The following ANKRD28 variants were observed in gnomAD, a reference collection of about 807,000 sequenced individuals.
The protein encoded by ANKRD28 is serine/threonine-protein phosphatase 6 regulatory ankyrin repeat subunit A.
ANKRD28 carries 44 observed loss-of-function variants against 126.5 expected under a neutral mutation model. The observed-to-expected ratio is 0.35, with a 90% CI of 0.27 to 0.45. The LOEUF (loss-of-function observed/expected upper bound fraction) is 0.45. Ranked by LOEUF, ANKRD28 falls within the 20% of genes least tolerant of loss-of-function variation. The pLI, the probability that ANKRD28 is intolerant of heterozygous loss-of-function variation, is 1.00. For synonymous variants in ANKRD28, 442 were observed against 468.5 expected (o/e 0.94, Z 0.73); for missense variants, 1,110 against 1,316.6 (o/e 0.84, Z 2.43).
At chr3:15,727,369 C>A (rs1222355391) in intron 6 of ANKRD28, among the ~76,000 whole-genome samples, 3 of 151,710 alleles carry the variant, frequency 2.0e-5, no homozygotes, top group Non-Finnish European at 2.9e-5. Context: ...CAGTTCGAGA[C>A]CAGCCTGGCC....
intron 2 of ANKRD28, among the ~76,000 whole-genome samples, chr3:15,772,181 C>A (rs1166164448): frequency 6.6e-6 from 1 of 151,616 alleles, no homozygotes; most frequent in Non-Finnish European, 1.5e-5. Context: ...GGCAAAATAA[C>A]CAGCAAAAAA....
chr3:15,676,647 G>A (rs2066969358), intron 26 of ANKRD28: 1 of 207,644 alleles, frequency 4.8e-6, no homozygotes, highest in Non-Finnish European at 9.7e-6. Context: ...CTCATTTATT[G>A]TTAGTTTCAA....
chr3:15,723,361 T>A (rs2073921351), intron 7 of ANKRD28, among the ~76,000 whole-genome samples: 1 of 152,270 alleles, frequency 6.6e-6, no homozygotes, highest in African/African-American at 2.4e-5. Context: ...TTGTAGCTGA[T>A]CTAAACTGTA....
intron 3 of ANKRD28, among the ~76,000 whole-genome samples, chr3:15,758,194 T>C (rs1443365826): frequency 6.6e-6 from 1 of 152,256 alleles, no homozygotes; most frequent in African/African-American, 2.4e-5. Context: ...ACAGAGGAGA[T>C]AGTCCATAAC....
At position 15,830,727 on chromosome 3, in the gene ANKRD28, T is replaced by C. The variant is rs1040650935; in HGVS notation, c.27+28650A>G. Reference sequence around the variant, plus strand: ...TCCTAGGAGGTAACTGCTAACCCCTTGGAATGTCCTGCTTGATAAAGAGTC... The same window carrying C: ...TCCTAGGAGGTAACTGCTAACCCCTCGGAATGTCCTGCTTGATAAAGAGTC... On this transcript the variant is annotated intron_variant, in intron 1 of 27. Coordinates refer to the ANKRD28 transcript ENST00000399451. This position sits in a 1 kb window ranked among gnomAD's most constrained non-coding sequence, Gnocchi z 4.5. 6.6e-6 allele frequency among the ~76,000 whole-genome samples: 1 copy of C among 152,086 alleles called. No individual in the cohort carries two copies. The highest frequency in any genetic ancestry group is 2.4e-5 in the African/African-American group (1 of 41,390).
At chr3:15,837,527 A>G (rs1000110417) in intron 1 of ANKRD28, among the ~76,000 whole-genome samples, 1 of 152,222 alleles carries the variant, frequency 6.6e-6, no homozygotes, top group Admixed American at 6.5e-5. Context: ...AAATTAAACA[A>G]GACACCTGTA....
intron 3 of ANKRD28, among the ~76,000 whole-genome samples, chr3:15,764,042 G>A (rs943408163): frequency 6.6e-6 from 1 of 151,778 alleles, no homozygotes; most frequent in South Asian, 2.1e-4. Flanking sequence ...TGGCCAACAT[G>A]GTGAAACCCC....
At chr3:15,770,413 C>CATATATAT (rs56802776) in intron 2 of ANKRD28, among the ~76,000 whole-genome samples, 2 of 147,132 alleles carry the variant, frequency 1.4e-5, no homozygotes, top group African/African-American at 4.9e-5. Flanking sequence ...CATATATATA[C>CATATATAT]ATATATATAT....
At position 15,706,102 on chromosome 3, in the gene ANKRD28, T is replaced by G. The variant is rs376497707; in HGVS notation, c.1547+1822A>C. ...GTGTGTGATTCTGAAATCTTTTTTT[T>G]ATTGTTATACTTTGTTCTAGAGTAC... On this transcript the variant is annotated intron_variant, in intron 14 of 27. Transcript: ENST00000683139. 9.3e-4 allele frequency among the ~76,000 whole-genome samples: 142 copies of G among 152,240 alleles called. No homozygotes were observed. The South Asian group carries it at 0.028, about 30-fold the overall frequency.
rs142001696 is a variant in ANKRD28 at position 15,786,106 on chromosome 3, T to C, written c.201+9117A>G. Among the ~76,000 whole-genome samples the C allele has an allele frequency of 7.6e-4, 115 of 152,196 alleles. 1 individual carries two copies. The highest frequency in any genetic ancestry group is 2.5e-3 in the African/African-American group (104 of 41,566). ...GTATGAAACTATAATGCTGGATACATGTCATTATATACTTGTCCAAACTCA... is the reference window on the plus strand; with the variant it reads ...GTATGAAACTATAATGCTGGATACACGTCATTATATACTTGTCCAAACTCA... On this transcript the variant is annotated intron_variant, in intron 2 of 27. Transcript: ENST00000683139.
intron 1 of ANKRD28, among the ~76,000 whole-genome samples, chr3:15,825,242 G>A (rs115066227): frequency 0.02 from 3,078 of 152,292 alleles, 52 homozygotes; most frequent in Non-Finnish European, 0.031. Context: ...ATGGCAACTG[G>A]GAGTAAATTC....
chr3:15,743,659 A>T (rs2057280726), intron 4 of ANKRD28, among the ~76,000 whole-genome samples: 1 of 152,150 alleles, frequency 6.6e-6, no homozygotes, highest in Admixed American at 6.5e-5. Flanking sequence ...AATATGCAGT[A>T]CTTACACAGA....
At position 15,854,074 on chromosome 3, in the gene ANKRD28, C is replaced by G. The variant is rs1345157; in HGVS notation, c.27+5303G>C. Among the ~76,000 whole-genome samples, 70,637 of 151,986 alleles carry G rather than the reference C, an allele frequency of 0.46. 19,370 individuals carry two copies. The highest frequency in any genetic ancestry group is 0.6 in the Non-Finnish European group (40,494 of 67,970). ...CTTTTGTAATCTACTCTTCCAAAAC[C>G]TGTAATGGTTATCTAACTTTCAGTG... On this transcript the variant is annotated intron_variant, in intron 1 of 27. Transcript: ENST00000399451. The surrounding 1 kb of genome is among the most constrained non-coding windows in gnomAD (Gnocchi z 4.1).
intron 1 of ANKRD28, among the ~76,000 whole-genome samples, chr3:15,852,137 C>G (rs747395177): frequency 6.6e-6 from 1 of 152,002 alleles, no homozygotes; most frequent in Non-Finnish European, 1.5e-5. Flanking sequence ...GGTACTTGCA[C>G]AGTTTTGTGA....
rs547621641 is a variant in ANKRD28 at position 15,833,136 on chromosome 3, T to C, written c.27+26241A>G. On this transcript the variant is annotated intron_variant, in intron 1 of 27. Coordinates refer to the ANKRD28 transcript ENST00000399451. The surrounding 1 kb of genome is among the most constrained non-coding windows in gnomAD (Gnocchi z 4.4). ...TGATTGGATTGAAGGATGCAAAGTA[T>C]TGATCCAGGGTGTGTCTGTGAGGGT... is the stretch of plus-strand genomic sequence containing the variant. 2.0e-5 allele frequency among the ~76,000 whole-genome samples: 3 copies of C among 152,308 alleles called. No homozygotes were observed. The highest frequency in any genetic ancestry group is 2.1e-4 in the South Asian group (1 of 4,830).
chr3:15,750,808 G>A (rs4685258), intron 4 of ANKRD28, among the ~76,000 whole-genome samples: 70,765 of 152,018 alleles, frequency 0.47, 19,440 homozygotes, highest in Non-Finnish European at 0.6. Flanking sequence ...ATGGACAGAA[G>A]AAGCAGTAGC....
At chr3:15,772,747 C>T (rs6781506) in intron 2 of ANKRD28, among the ~76,000 whole-genome samples, 1,838 of 152,192 alleles carry the variant, frequency 0.012, 41 homozygotes, top group African/African-American at 0.042. Context: ...CGTGCAGTGG[C>T]GCGATCTCGG....
At chr3:15,820,485 A>T (rs1476151967) in intron 1 of ANKRD28, among the ~76,000 whole-genome samples, 3 of 152,222 alleles carry the variant, frequency 2.0e-5, no homozygotes, top group Non-Finnish European at 4.4e-5. Context: ...AAGTTCTTCA[A>T]TAAATACATT....
intron 3 of ANKRD28, among the ~76,000 whole-genome samples, chr3:15,752,912 T>C (rs1252168862): frequency 6.6e-6 from 1 of 152,194 alleles, no homozygotes; most frequent in African/African-American, 2.4e-5. Context: ...CCCAAGTTTC[T>C]TCACAAAGAT....
Sources: gnomAD v4.1 joint callset for allele counts (sites outside exome capture counted in the v4.1 genomes callset) on GRCh38, gnomAD v4.1.1 for gene constraint, Gnocchi (gnomAD v3.1) non-coding constraint, MANE v1.5 for transcripts, NCBI Gene and HGNC (gene_info 2026-07-23, HGNC 2026-07-21) for gene names.